Variants in ATM observed in about 807,000 individuals in gnomAD.
ATM encodes serine-protein kinase ATM.
Under a neutral mutation model 387.0 loss-of-function variants are expected in ATM, and 308 were observed. The observed-to-expected ratio is 0.80, with a 90% CI of 0.73 to 0.87. ATM has a LOEUF of 0.87. Ranked by LOEUF, ATM falls within the 40% of genes least tolerant of loss-of-function variation. The pLI is 0.00. For synonymous variants in ATM, 1,156 were observed against 1,187.3 expected (o/e 0.97, Z 0.54); for missense variants, 3,312 against 3,560.9 (o/e 0.93, Z 1.78).
In ATM at chr11:108,283,255, G is replaced by T. The variant is rs565705724; in HGVS notation, c.3746+376G>T. ...ATTGAAGATAAATTACTAGTAGCTG[G>T]TTATTTCTGCCTTGTTTTTCTTTTC... On this transcript the variant is annotated intron_variant, in intron 25 of 62. Transcript: ENST00000675843. Among the ~76,000 whole-genome samples, 109 of 152,274 alleles carry T rather than the reference G, an allele frequency of 7.2e-4. 1 individual carries two copies. The highest frequency in any genetic ancestry group is 2.5e-3 in the African/African-American group (103 of 41,566).
At chr11:108,360,179 TA>T (rs2090547080) in intron 61 of ATM, among the ~76,000 whole-genome samples, 1 of 149,880 alleles carries the variant, frequency 6.7e-6, no homozygotes, top group African/African-American at 2.4e-5. Context: ...TCTACGCAAA[TA>T]AACTAGAAAA....
At chr11:108,347,142 C>T (rs561076250) in intron 58 of ATM, 137 bp from the exon 59 acceptor site, 1 of 727,492 alleles carries the variant, frequency 1.4e-6, no homozygotes, top group Admixed American at 2.0e-5. Flanking sequence ...GCCGGTTATG[C>T]ACATCATTTA....
At position 108,312,511 on chromosome 11, in the gene ATM, G is replaced by C. The variant is rs368207631; in HGVS notation, c.6006+13G>C. 19 of 1,517,244 alleles carry C rather than the reference G, an allele frequency of 1.3e-5. No homozygotes were observed. The highest frequency in any genetic ancestry group is 1.7e-5 in the Non-Finnish European group (19 of 1,092,650). The allele number at this position is 1,517,244 out of a possible 1,614,324, so 94.0% of individuals were successfully genotyped here. On this transcript the variant is annotated intron_variant, in intron 40 of 62. Coordinates refer to ENST00000675843, the MANE Select transcript of ATM (RefSeq NM_000051.4). ...AATAAGTTTACAGGTAAATATTAGA[G>C]GCTCTATTATTTATGACAGTATTTA...
intron 4 of ATM, among the ~76,000 whole-genome samples, chr11:108,231,240 T>C (rs1232165913): frequency 6.6e-6 from 1 of 152,160 alleles, no homozygotes; most frequent in African/African-American, 2.4e-5. Flanking sequence ...ATTAATATTG[T>C]GAAGAGTTGA....
At chr11:108,298,218 G>T (rs554641934) in intron 33 of ATM, among the ~76,000 whole-genome samples, 3 of 152,122 alleles carry the variant, frequency 2.0e-5, no homozygotes, top group Admixed American at 6.5e-5. Context: ...TGAAGCTCTC[G>T]TGATGGTTTT....
intron 1 of ATM, 200 bp from the exon 2 acceptor site, chr11:108,227,395 A>G (rs1161365530): frequency 4.0e-6 from 2 of 498,202 alleles, no homozygotes; most frequent in Non-Finnish European, 7.1e-6. Context: ...ATAGATTTTA[A>G]GAAAATCTCA....
chr11:108,368,694 C>A lies in ATM; in HGVS notation c.*3186C>A, dbSNP rs1410343731. The A allele has an allele frequency of 4.6e-6, 1 of 216,786 alleles. No individual in the cohort carries two copies. The highest frequency in any genetic ancestry group is 5.8e-5 in the Admixed American group (1 of 17,208). 13.4% of individuals were successfully genotyped at this position (216,786 alleles called of 1,614,324 possible). A position where few individuals can be genotyped will look rare whatever the true frequency, so the allele number is the denominator to read the frequency against. On this transcript the variant is annotated 3_prime_UTR_variant, in exon 63 of 63. Coordinates refer to ENST00000675843, the MANE Select transcript of ATM (RefSeq NM_000051.4). ...AGAGAAGCTAATAAATTATAGACTG[C>A]TTGAACAGTTGTGTCCAGATTAAGG... is the stretch of plus-strand genomic sequence containing the variant.
At position 108,267,349 on chromosome 11, in the gene ATM, A is replaced by G. The variant is rs1555082379; in HGVS notation, c.2638+7A>G. The stretch of plus-strand genomic sequence containing the variant: ...GAGAGCCAAAGTACCATAGGTAAAT[A>G]CATATTTACTACTTGGGATTTCTTT... On this transcript the variant is annotated splice_region_variant and intron_variant, in intron 17 of 62. Coordinates refer to ENST00000675843, the MANE Select transcript of ATM (RefSeq NM_000051.4). 3 of 1,613,278 alleles carry G rather than the reference A, an allele frequency of 1.9e-6. No homozygotes were observed. The highest frequency in any genetic ancestry group is 2.5e-6 in the Non-Finnish European group (3 of 1,179,248).
chr11:108,332,091 A>G (rs2136534164), intron 52 of ATM, 54 bp downstream of exon 52: 1 of 1,594,544 alleles, frequency 6.3e-7, no homozygotes, highest in Middle Eastern at 1.7e-4. Flanking sequence ...AGTCTTTCCT[A>G]GAATATTTCT....
intron 17 of ATM, among the ~76,000 whole-genome samples, chr11:108,267,733 T>C (rs2081340960): frequency 6.6e-6 from 1 of 152,132 alleles, no homozygotes; most frequent in Non-Finnish European, 1.5e-5. Context: ...GGCGGGCGCC[T>C]GTAGTCCCAG....
chr11:108,303,178 A>G, intron 36 of ATM, 149 bp downstream of exon 36: 1 of 871,560 alleles, frequency 1.1e-6, no homozygotes. Context: ...TTTAGTCATA[A>G]CTTTATGCAT....
intron 5 of ATM, among the ~76,000 whole-genome samples, chr11:108,239,424 C>T (rs751473139): frequency 6.6e-6 from 1 of 152,214 alleles, no homozygotes; most frequent in Non-Finnish European, 1.5e-5. Context: ...CTGCTTATTA[C>T]ACTTACCAAA....
chr11:108,279,660 C>T, intron 23 of ATM, 52 bp downstream of exon 23: 1 of 1,369,320 alleles, frequency 7.3e-7, no homozygotes, highest in Non-Finnish European at 1.0e-6. Flanking sequence ...CTATGAATAT[C>T]CCATAAATTA....
Position 108,318,105 on chromosome 11 carries a change from T to C in ATM, c.6347+584T>C, listed in dbSNP as rs567050127. 7.2e-5 allele frequency among the ~76,000 whole-genome samples: 11 copies of C among 152,272 alleles called. No individual in the cohort carries two copies. The South Asian group carries it at 2.3e-3, about 32-fold the overall frequency. ...GGCCAGGCACGGTGGCTCATGCCTA[T>C]AATCCTAGCACTTTGGGAGGCCAAG... On this transcript the variant is annotated intron_variant, in intron 43 of 62. Coordinates refer to ENST00000675843, the MANE Select transcript of ATM (RefSeq NM_000051.4).
At chr11:108,364,891 T>C (rs2091171692) in intron 61 of ATM, among the ~76,000 whole-genome samples, 191 bp from the exon 62 acceptor site, 1 of 152,178 alleles carries the variant, frequency 6.6e-6, no homozygotes, top group South Asian at 2.1e-4. Context: ...GAATTCAGAA[T>C]GAAATGAGAA....
At position 108,252,032 on chromosome 11, in the gene ATM, GTAAT is replaced by G; in HGVS notation, c.1802+3_1802+6del. 6.2e-7 allele frequency: 1 copy of G among 1,610,644 alleles called. No individual in the cohort carries two copies. The highest frequency in any genetic ancestry group is 8.5e-7 in the Non-Finnish European group (1 of 1,178,980). ...CAGAAGTGCCTCCAATTCTTCACAGGTAATTTAAGTTCATTAGCATGCTGCTGTT... is the reference window on the plus strand; with the variant it reads ...CAGAAGTGCCTCCAATTCTTCACAGGTTAAGTTCATTAGCATGCTGCTGTT... On this transcript the variant is annotated splice_donor_variant and splice_donor_5th_base_variant and intron_variant, in intron 11 of 62. Coordinates refer to ENST00000675843, the MANE Select transcript of ATM (RefSeq NM_000051.4). LOFTEE classifies it high-confidence loss of function.
chr11:108,258,845 G>T, intron 15 of ATM, 141 bp from the exon 16 acceptor site: 1 of 673,728 alleles, frequency 1.5e-6, no homozygotes. Flanking sequence ...AAGAAAAGAT[G>T]TGTTTTTGAA....
At chr11:108,251,181 C>G in intron 10 of ATM, 109 bp downstream of exon 10, 1 of 1,495,482 alleles carries the variant, frequency 6.7e-7, no homozygotes. Flanking sequence ...TTAAAGATGT[C>G]AAATTCTATT....
Position 108,331,488 on chromosome 11 carries a change from G to A in ATM, c.7560G>A (p.Met2520Ile), listed in dbSNP as rs1591167543. Reference sequence around the variant, plus strand: ...CAACATATAAATTTTTGCCTCTTATGTACCAATTGGCTGCTAGAATGGGGA... The same window carrying A: ...CAACATATAAATTTTTGCCTCTTATATACCAATTGGCTGCTAGAATGGGGA... The part of the protein sequence containing the change: ...KIPTYKFLPL[M>I]YQLAARMGTK... Residue 2520 changes from methionine (M) to isoleucine (I), a missense_variant, in exon 51 of 63, where the codon ATG becomes ATA. By Grantham distance (10) the Met-to-Ile change is conservative (BLOSUM62 1). Around this residue, in one of 4 missense-constraint regions of ATM, gnomAD observed 1,405 missense variants for 1,604.4 expected, o/e 0.88. Coordinates refer to ENST00000675843, the MANE Select transcript of ATM (RefSeq NM_000051.4). 3.7e-6 allele frequency: 6 copies of A among 1,613,258 alleles called. No homozygotes were observed. The highest frequency in any genetic ancestry group is 5.1e-6 in the Non-Finnish European group (6 of 1,179,702).
Sources: allele counts gnomAD v4.1 joint callset (sites outside exome capture counted in the v4.1 genomes callset), GRCh38; gene constraint gnomAD v4.1.1; regional missense constraint gnomAD v4.1.1; transcripts MANE v1.5; gene names NCBI Gene and HGNC (gene_info 2026-07-23, HGNC 2026-07-21).